The following D2HGDH variants were observed in gnomAD, a reference collection of about 807,000 sequenced individuals.
D2HGDH encodes the protein D-2-hydroxyglutarate dehydrogenase, also known as D-2-hydroxyglutarate dehydrogenase, mitochondrial.
In D2HGDH, 31 loss-of-function variants were observed where a neutral mutation model predicts 46.9. The ratio of observed to expected loss-of-function variants is 0.66; its 90% CI spans 0.50 to 0.89. The LOEUF (loss-of-function observed/expected upper bound fraction) is 0.89, where lower values mean the gene tolerates loss of function less well. D2HGDH is among the 40% of genes least tolerant of loss of function. The probability of loss-of-function intolerance (pLI) is 0.00; values close to 1 mark genes in which losing one functional copy is unlikely to be tolerated. For missense variants in D2HGDH, 698 were observed against 720.8 expected, an observed-to-expected ratio of 0.97 and a Z score of 0.36; for synonymous variants, 364 against 332.6, an observed-to-expected ratio of 1.09 and a Z score of -1.03.
chr2:241,737,889 C>T (rs1287528212), intron 2 of D2HGDH, among the ~76,000 whole-genome samples: 1 of 152,180 alleles, frequency 6.6e-6, no homozygotes, highest in Non-Finnish European at 1.5e-5. Flanking sequence ...GGTGTGCTGT[C>T]ATTGGGAAGA....
chr2:241,736,673 T>TG (rs1692942367), intron 2 of D2HGDH, among the ~76,000 whole-genome samples: 1 of 150,356 alleles, frequency 6.7e-6, no homozygotes, highest in Non-Finnish European at 1.5e-5. Flanking sequence ...GTTTATCCGT[T>TG]TTTTTTTTTT....
At chr2:241,746,772 C>T (rs1695970049) in intron 6 of D2HGDH, among the ~76,000 whole-genome samples, 1 of 151,754 alleles carries the variant, frequency 6.6e-6, no homozygotes, top group African/African-American at 2.4e-5. Context: ...CCTGTAATCC[C>T]AGCTACTTGG....
rs1356013004 is a variant in D2HGDH at position 241,742,357 on chromosome 2, G to A, written c.351-78G>A. On this transcript the variant is annotated intron_variant, in intron 3 of 9. Transcript: ENST00000321264. This position sits in a 1 kb window ranked among gnomAD's most constrained non-coding sequence, Gnocchi z 4.8. ...TAATCAGGATTTGGAGTCAGGCACTGGTCCTGCGGCGTGTCCTTGGGGATG... is the reference window on the plus strand; with the variant it reads ...TAATCAGGATTTGGAGTCAGGCACTAGTCCTGCGGCGTGTCCTTGGGGATG... 4.0e-6 allele frequency: 6 copies of A among 1,514,958 alleles called. No individual in the cohort carries two copies. The highest frequency in any genetic ancestry group is 1.4e-5 in the African/African-American group (1 of 72,472). 93.8% of individuals were successfully genotyped at this position (1,514,958 alleles called of 1,614,324 possible). A position where few individuals can be genotyped will look rare whatever the true frequency, so the allele number is the denominator to read the frequency against.
Position 241,736,045 on chromosome 2 carries a change from G to A in D2HGDH, c.292+529G>A, listed in dbSNP as rs146914710. 4.9e-3 allele frequency: 805 copies of A among 164,468 alleles called. 6 individuals are homozygous for A. Among genetic ancestry groups the A allele is most frequent in the African/African-American group, 0.019 (772 of 41,662 alleles). The allele number at this position is 164,468 out of a possible 1,614,324, so 10.2% of individuals were successfully genotyped here. On this transcript the variant is annotated intron_variant, in intron 2 of 9. Coordinates refer to ENST00000321264, the MANE Select transcript of D2HGDH (RefSeq NM_152783.5). ...CAAATTGCTGGGATTACAGGCGTGA[G>A]CCACCCCGCCCTGCCAACAACCCAA...
chr2:241,764,818 G>C (rs367879926), intron 9 of D2HGDH, among the ~76,000 whole-genome samples: 140 of 152,362 alleles, frequency 9.2e-4, no homozygotes, highest in African/African-American at 3.2e-3. Flanking sequence ...CCCTTGAGCT[G>C]GTTTCTGGCT....
chr2:241,737,474 A>G (rs1206474442), intron 2 of D2HGDH, among the ~76,000 whole-genome samples: 1 of 148,034 alleles, frequency 6.8e-6, no homozygotes, highest in Non-Finnish European at 1.5e-5. Context: ...TCCTTTTGGT[A>G]ACAGTGCCCA....
intron 1 of D2HGDH, 157 bp from the exon 2 acceptor site, chr2:241,734,976 G>T: frequency 2.0e-6 from 1 of 508,988 alleles, no homozygotes; most frequent in East Asian, 3.5e-5. Flanking sequence ...GCTGCGTGGG[G>T]CTTCGCGCGC....
chr2:241,743,174 C>T lies in D2HGDH; in HGVS notation c.491-448C>T, dbSNP rs568189597. On this transcript the variant is annotated intron_variant, in intron 4 of 9. Coordinates refer to ENST00000321264, the MANE Select transcript of D2HGDH (RefSeq NM_152783.5). This position sits in a 1 kb window ranked among gnomAD's most constrained non-coding sequence, Gnocchi z 4.8. Reference sequence around the variant, plus strand: ...CCTGCTCTGGAGCTGGGCCTCTCCCCGCAAGGCCGGGCTCCAGGCCCCGGT... The same window carrying T: ...CCTGCTCTGGAGCTGGGCCTCTCCCTGCAAGGCCGGGCTCCAGGCCCCGGT... Among the ~76,000 whole-genome samples, 3 of 152,188 alleles carry T rather than the reference C, an allele frequency of 2.0e-5. No homozygotes were observed. Among genetic ancestry groups the T allele is most frequent in the South Asian group, 2.1e-4 (1 of 4,822 alleles).
At chr2:241,764,203 C>T (rs5839764) in intron 9 of D2HGDH, among the ~76,000 whole-genome samples, 1 of 151,256 alleles carries the variant, frequency 6.6e-6, no homozygotes, top group African/African-American at 2.4e-5. Context: ...GACTGGGGGG[C>T]GACGGGGACT....
At chr2:241,734,915 C>T (rs914672771) in intron 1 of D2HGDH, 11 of 340,754 alleles carry the variant, frequency 3.2e-5, no homozygotes, top group Admixed American at 2.9e-4. Context: ...GGGTCCTGGG[C>T]AAGGTCCCGG....
chr2:241,740,256 A>G (rs1694070372), intron 2 of D2HGDH, among the ~76,000 whole-genome samples: 1 of 148,572 alleles, frequency 6.7e-6, no homozygotes, highest in African/African-American at 2.5e-5. Context: ...TAATGGGTGA[A>G]GCTTGAGGAG....
rs1463088158 is a variant in D2HGDH at position 241,734,642 on chromosome 2, C to G, written c.-146C>G. On this transcript the variant is annotated 5_prime_UTR_variant, in exon 1 of 10. Transcript: ENST00000321264. ...CGTCGCCCCGCCCACTCCGGCTCGG[C>G]GGCTCTGGGCCTGCGGCGGGCGCTG... 2 of 151,428 alleles carry G rather than the reference C, an allele frequency of 1.3e-5. No homozygotes were observed. The highest frequency in any genetic ancestry group is 4.8e-5 in the African/African-American group (2 of 41,334). 9.4% of individuals were successfully genotyped at this position (151,428 alleles called of 1,614,324 possible). A position where few individuals can be genotyped will look rare whatever the true frequency, so the allele number is the denominator to read the frequency against.
At chr2:241,735,575 G>T (rs1692544316) in intron 2 of D2HGDH, 59 bp downstream of exon 2, 6 of 1,590,214 alleles carry the variant, frequency 3.8e-6, no homozygotes, top group African/African-American at 1.3e-5. Flanking sequence ...GCGCCTTCCC[G>T]TGGAGGCTTC....
intron 2 of D2HGDH, among the ~76,000 whole-genome samples, chr2:241,739,441 C>T (rs1403358147): frequency 6.6e-6 from 1 of 152,256 alleles, no homozygotes. Context: ...CCCAGGTGCC[C>T]AGCAGGCCCC....
Position 241,743,884 on chromosome 2 carries a change from C to T in D2HGDH, c.684+69C>T, listed in dbSNP as rs1428611133. 3 of 1,522,830 alleles carry T rather than the reference C, an allele frequency of 2.0e-6. No individual in the cohort carries two copies. Among genetic ancestry groups the T allele is most frequent in the Non-Finnish European group, 2.7e-6 (3 of 1,124,476 alleles). The allele number at this position is 1,522,830 out of a possible 1,614,324, so 94.3% of individuals were successfully genotyped here. A position where few individuals can be genotyped will look rare whatever the true frequency, so the allele number is the denominator to read the frequency against. On this transcript the variant is annotated intron_variant, in intron 5 of 9. Coordinates refer to ENST00000321264, the MANE Select transcript of D2HGDH (RefSeq NM_152783.5). The surrounding 1 kb of genome is among the most constrained non-coding windows in gnomAD (Gnocchi z 4.8). ...TCCTCTCACGGCTCTCATGGGCCCA[C>T]GTGGTGGCACAGGTGCATGGGGCCC... is the stretch of plus-strand genomic sequence containing the variant.
At chr2:241,760,755 G>A (rs1045390344) in intron 9 of D2HGDH, among the ~76,000 whole-genome samples, 1 of 152,272 alleles carries the variant, frequency 6.6e-6, no homozygotes, top group African/African-American at 2.4e-5. Flanking sequence ...TTAAGGAAGA[G>A]AGGATTCTGA....
At chr2:241,750,093 A>G in intron 6 of D2HGDH, 58 bp from the exon 7 acceptor site, 2 of 1,612,016 alleles carry the variant, frequency 1.2e-6, no homozygotes, top group Non-Finnish European at 1.7e-6. Context: ...TTGAAGGGGG[A>G]CTTGGGTGGG....
At chr2:241,756,731 A>G (rs1307092562) in intron 9 of D2HGDH, among the ~76,000 whole-genome samples, 2 of 152,198 alleles carry the variant, frequency 1.3e-5, no homozygotes, top group Non-Finnish European at 1.5e-5. Context: ...CATGTTGGCC[A>G]GGCTGGTCTT....
rs905952864 is a variant in D2HGDH, at chr2:241,734,640, G to C, written c.-148G>C. 1 of 151,020 alleles carries C rather than the reference G, an allele frequency of 6.6e-6. No individual in the cohort carries two copies. The highest frequency in any genetic ancestry group is 2.4e-5 in the African/African-American group (1 of 41,304). 9.4% of individuals were successfully genotyped at this position (151,020 alleles called of 1,614,324 possible). On this transcript the variant is annotated 5_prime_UTR_variant, in exon 1 of 10. Coordinates refer to ENST00000321264, the MANE Select transcript of D2HGDH (RefSeq NM_152783.5). ...GGCGTCGCCCCGCCCACTCCGGCTC[G>C]GCGGCTCTGGGCCTGCGGCGGGCGC...
Sources: gnomAD v4.1 joint callset for allele counts (sites outside exome capture counted in the v4.1 genomes callset) on GRCh38, gnomAD v4.1.1 for gene constraint, Gnocchi (gnomAD v3.1) non-coding constraint, MANE v1.5 for transcripts, NCBI Gene and HGNC (gene_info 2026-07-23, HGNC 2026-07-21) for gene names.